Variants in ANKRD24 observed in about 807,000 individuals in gnomAD.
ANKRD24 encodes ankyrin repeat domain-containing protein 24.
A neutral mutation model predicts 127.8 loss-of-function variants in ANKRD24; 109 were observed. That is an observed-to-expected ratio of 0.85 (90% CI 0.73 to 1.00). ANKRD24 has a LOEUF of 1.00. ANKRD24 is among the 50% of genes least tolerant of loss of function. The pLI is 0.00. For missense variants in ANKRD24, 1,648 were observed against 1,570.2 expected (o/e 1.05, Z -0.84); for synonymous variants, 743 against 671.1 (o/e 1.11, Z -1.66).
At chr19:4,223,401 ATTTTTTTT>A (rs1173862080) in intron 20 of ANKRD24, among the ~76,000 whole-genome samples, 5 of 53,342 alleles carry the variant, frequency 9.4e-5, no homozygotes, top group African/African-American at 3.8e-4. Context: ...ATATATATAT[ATTTTTTTT>A]TTTTTTTTTT....
At chr19:4,221,861 G>T (rs1196576136) in intron 19 of ANKRD24, among the ~76,000 whole-genome samples, 1 of 152,150 alleles carries the variant, frequency 6.6e-6, no homozygotes, top group Non-Finnish European at 1.5e-5. Flanking sequence ...GGGCATTGTA[G>T]GGGACTGAGC....
chr19:4,198,625 C>T lies in ANKRD24; in HGVS notation c.37-1058C>T, dbSNP rs988402085. ...TCCCCGGCTGACCTGGACCACCCCC[C>T]CATTCCAGACCCGGGAAAGATGGTC... On this transcript the variant is annotated intron_variant, in intron 2 of 21. Transcript: ENST00000318934. This position sits in a 1 kb window ranked among gnomAD's most constrained non-coding sequence, Gnocchi z 6.1. 2.4e-6 allele frequency: 1 copy of T among 408,336 alleles called. No homozygotes were observed. Among genetic ancestry groups the T allele is most frequent in the East Asian group, 3.6e-5 (1 of 27,716 alleles). The allele number at this position is 408,336 out of a possible 1,614,324, so 25.3% of individuals were successfully genotyped here. A position where few individuals can be genotyped will look rare whatever the true frequency, so the allele number is the denominator to read the frequency against.
rs1970111057 is a variant in ANKRD24, at chr19:4,216,890, T to G, written c.1730T>G (p.Met577Arg). ...GATGAAACCATGGAAGCCAGGACTA[T>G]GGAAGCTGAGGCCACGGGAGCCGAG... ...AGDETMEART[M>R]EAEATGAEAT... is the part of the protein sequence containing the mutation. Residue 577 changes from methionine (M) to arginine (R), a missense_variant, in exon 18 of 22, where the codon ATG (methionine) becomes AGG (arginine). Physicochemically the swap from Met to Arg is moderately conservative, Grantham distance 91. Transcript: ENST00000318934. 6.2e-7 allele frequency: 1 copy of G among 1,610,606 alleles called. No individual in the cohort carries two copies. The highest frequency in any genetic ancestry group is 1.3e-5 in the African/African-American group (1 of 74,680).
rs545933656 is a variant in ANKRD24, at chr19:4,188,034, A to G, written c.36+1573A>G. On this transcript the variant is annotated intron_variant, in intron 2 of 21. Transcript: ENST00000318934. ...TTTGAAAGCCATTTTTGAAAAGCCA[A>G]AAAGAGAGGCCTGTGGAACAAGCCT... Among the ~76,000 whole-genome samples the G allele has an allele frequency of 1.2e-4, 19 of 152,228 alleles. No individual in the cohort carries two copies. In the East Asian group the frequency reaches 3.7e-3, roughly 29 times the overall value.
Position 4,195,760 on chromosome 19 carries a change from GGC to G in ANKRD24, c.37-3921_37-3920del. On this transcript the variant is annotated intron_variant, in intron 2 of 21. Coordinates refer to ENST00000318934, the MANE Select transcript of ANKRD24 (RefSeq NM_001393985.1). The surrounding 1 kb of genome is among the most constrained non-coding windows in gnomAD (Gnocchi z 4.2). Reference sequence around the variant, plus strand: ...AATACAAAAATTCGCTAGGCGTGGTGGCGTGTGCCTGTAATCCCAGCTACTCG... The same window carrying G: ...AATACAAAAATTCGCTAGGCGTGGTGGTGTGCCTGTAATCCCAGCTACTCG... Among the ~76,000 whole-genome samples the G allele has an allele frequency of 6.6e-6, 1 of 152,166 alleles. No individual in the cohort carries two copies. Among genetic ancestry groups the G allele is most frequent in the Non-Finnish European group, 1.5e-5 (1 of 68,040 alleles).
intron 1 of ANKRD24, among the ~76,000 whole-genome samples, chr19:4,183,032 G>A (rs1336184839): frequency 6.7e-6 from 1 of 148,266 alleles, no homozygotes; most frequent in Non-Finnish European, 1.5e-5. Context: ...AGGCTGGAGT[G>A]CAGTGGCGCA....
Position 4,198,559 on chromosome 19 carries a change from GC to G in ANKRD24, c.37-1123del. 1 of 533,608 alleles carries G rather than the reference GC, an allele frequency of 1.9e-6. No individual in the cohort carries two copies. Among genetic ancestry groups the G allele is most frequent in the Non-Finnish European group, 3.3e-6 (1 of 300,096 alleles). The allele number at this position is 533,608 out of a possible 1,614,324, so 33.1% of individuals were successfully genotyped here. ...TAGGGCCCGGGGAGGGGGCGCAGGAGCGGGCGGGGCGCGGGTACCTCCTCTC... is the reference window on the plus strand; with the variant it reads ...TAGGGCCCGGGGAGGGGGCGCAGGAGGGGCGGGGCGCGGGTACCTCCTCTC... On this transcript the variant is annotated intron_variant, in intron 2 of 21. Coordinates refer to ENST00000318934, the MANE Select transcript of ANKRD24 (RefSeq NM_001393985.1). This position sits in a 1 kb window ranked among gnomAD's most constrained non-coding sequence, Gnocchi z 6.1.
intron 7 of ANKRD24, among the ~76,000 whole-genome samples, chr19:4,205,009 G>A (rs1969305216): frequency 6.6e-6 from 1 of 152,222 alleles, no homozygotes; most frequent in East Asian, 1.9e-4. Flanking sequence ...AGCCTGAGGC[G>A]GGCGGATCAT....
chr19:4,205,428 C>A (rs903847689), intron 7 of ANKRD24, among the ~76,000 whole-genome samples: 3 of 152,200 alleles, frequency 2.0e-5, no homozygotes, highest in Non-Finnish European at 4.4e-5. Context: ...TGGATGTCAA[C>A]CTGCTGGAAT....
intron 2 of ANKRD24, among the ~76,000 whole-genome samples, chr19:4,196,914 C>T (rs1230925300): frequency 1.3e-5 from 2 of 152,124 alleles, no homozygotes; most frequent in East Asian, 1.9e-4. Context: ...CCGGAGGAGC[C>T]GTGGGTCCCA....
In ANKRD24 at chr19:4,199,673, C is replaced by A. The variant is rs1968971080; in HGVS notation, c.37-10C>A. 6.6e-6 allele frequency: 10 copies of A among 1,523,716 alleles called. No homozygotes were observed. Among genetic ancestry groups the A allele is most frequent in the Non-Finnish European group, 7.9e-6 (9 of 1,139,892 alleles). The allele number at this position is 1,523,716 out of a possible 1,614,324, so 94.4% of individuals were successfully genotyped here. A position where few individuals can be genotyped will look rare whatever the true frequency, so the allele number is the denominator to read the frequency against. On this transcript the variant is annotated splice_polypyrimidine_tract_variant and intron_variant, in intron 2 of 21. Transcript: ENST00000318934. The surrounding 1 kb of genome is among the most constrained non-coding windows in gnomAD (Gnocchi z 5.2). ...AGGACCCCCTCGCCCAGGACCACCT[C>A]CCCCTGCAGCTGCGGCTCAGCCCCA...
rs956936257 is a variant in ANKRD24 at position 4,182,775 on chromosome 19, A to G, written c.-37+35A>G. 5.1e-6 allele frequency: 5 copies of G among 984,772 alleles called. No individual in the cohort carries two copies. The African/African-American group carries it at 8.7e-5, about 17-fold the overall frequency. The allele number at this position is 984,772 out of a possible 1,614,324, so 61.0% of individuals were successfully genotyped here. A position where few individuals can be genotyped will look rare whatever the true frequency, so the allele number is the denominator to read the frequency against. Reference sequence around the variant, plus strand: ...GGGCTTGGGAAGGGGCTCCCCGATGACCCGGGCGGGAAATTGGGGCGGCCG... The same window carrying G: ...GGGCTTGGGAAGGGGCTCCCCGATGGCCCGGGCGGGAAATTGGGGCGGCCG... On this transcript the variant is annotated intron_variant, in intron 1 of 21. Coordinates refer to ENST00000318934, the MANE Select transcript of ANKRD24 (RefSeq NM_001393985.1).
chr19:4,199,842 A>G lies in ANKRD24; in HGVS notation c.124-33A>G. 6.5e-7 allele frequency: 1 copy of G among 1,548,172 alleles called. No homozygotes were observed. Among genetic ancestry groups the G allele is most frequent in the Non-Finnish European group, 8.7e-7 (1 of 1,145,146 alleles). ...GCGTGGGGAGGGGACAGCAGCCAAC[A>G]CTGCCCCACGCACTTCTGGGCGTGC... On this transcript the variant is annotated intron_variant, in intron 3 of 21. Coordinates refer to ENST00000318934, the MANE Select transcript of ANKRD24 (RefSeq NM_001393985.1). This position sits in a 1 kb window ranked among gnomAD's most constrained non-coding sequence, Gnocchi z 5.2.
Position 4,217,349 on chromosome 19 carries a change from G to A in ANKRD24, c.2189G>A (p.Arg730His), listed in dbSNP as rs1358148318. 2 of 1,551,480 alleles carry A rather than the reference G, an allele frequency of 1.3e-6. No homozygotes were observed. Among genetic ancestry groups the A allele is most frequent in the East Asian group, 2.4e-5 (1 of 40,924 alleles). ...KLQVELETRI[R>H]GLEEALRQRE... ...CAAGTAGAGCTGGAGACCAGGATCC[G>A]TGGCTTGGAGGAGGCTCTCCGGCAG... Residue 730 changes from arginine (R) to histidine (H), a missense_variant, in exon 18 of 22, where the codon CGT becomes CAT. By Grantham distance (29) the Arg-to-His change is conservative. Transcript: ENST00000318934.
chr19:4,183,942 G>T (rs556158123), intron 1 of ANKRD24, among the ~76,000 whole-genome samples: 1 of 152,302 alleles, frequency 6.6e-6, no homozygotes, highest in African/African-American at 2.4e-5. Flanking sequence ...AAGAGTGCAT[G>T]AGTCAGGTAG....
Position 4,212,720 on chromosome 19 carries a change from G to A in ANKRD24, c.1197+22G>A, listed in dbSNP as rs1313781966. 3 of 1,546,928 alleles carry A rather than the reference G, an allele frequency of 1.9e-6. No individual in the cohort carries two copies. The African/African-American group carries it at 4.1e-5, about 21-fold the overall frequency. On this transcript the variant is annotated intron_variant, in intron 15 of 21. Coordinates refer to ENST00000318934, the MANE Select transcript of ANKRD24 (RefSeq NM_001393985.1). ...GGAGGTAGGAGCAGTGATGAGTCAG[G>A]GCTGGGCTGGGGCTGGGTCGGGGAA...
rs1234288334 is a variant in ANKRD24 at position 4,217,528 on chromosome 19, G to A, written c.2368G>A (p.Ala790Thr). 1.6e-5 allele frequency: 22 copies of A among 1,356,798 alleles called. No individual in the cohort carries two copies. The South Asian group carries it at 3.5e-4, about 21-fold the overall frequency. The allele number at this position is 1,356,798 out of a possible 1,614,324, so 84.0% of individuals were successfully genotyped here. A position where few individuals can be genotyped will look rare whatever the true frequency, so the allele number is the denominator to read the frequency against. The change falls in exon 18 of 22, where the codon GCC (alanine) becomes ACC (threonine). Residue 790 changes from alanine to threonine, a missense_variant. Coordinates refer to ENST00000318934, the MANE Select transcript of ANKRD24 (RefSeq NM_001393985.1). ...CGGTGACACCACACAGCTGCGGGCG[G>A]CCCTGGAGCAGGCCCGGGAGGACCT... is the stretch of plus-strand genomic sequence containing the variant. ...GGGDTTQLRA[A>T]LEQAREDLRD... is the part of the protein sequence containing the mutation.
At chr19:4,191,396 C>T (rs1968377549) in intron 2 of ANKRD24, among the ~76,000 whole-genome samples, 1 of 152,174 alleles carries the variant, frequency 6.6e-6, no homozygotes, top group Admixed American at 6.5e-5. Flanking sequence ...CCTTAGGGCA[C>T]TCTCCGGCCT....
Position 4,219,757 on chromosome 19 carries a change from A to G in ANKRD24, c.3170A>G (p.Lys1057Arg). The part of the protein sequence containing the change: ...ALDKAKEKDK[K>R]ITELSKEVFN... The stretch of plus-strand genomic sequence containing the variant: ...GACAAGGCCAAGGAGAAGGACAAGA[A>G]GGTGGGTGCCCCCTCTCCCACACTC... The change falls in exon 19 of 22, where the codon AAG (lysine) becomes AGG (arginine). Residue 1057 changes from lysine to arginine, a missense_variant and splice_region_variant. Coordinates refer to ENST00000318934, the MANE Select transcript of ANKRD24 (RefSeq NM_001393985.1). The G allele has an allele frequency of 6.2e-7, 1 of 1,600,330 alleles. No individual in the cohort carries two copies. The highest frequency in any genetic ancestry group is 8.5e-7 in the Non-Finnish European group (1 of 1,172,342).
Sources: allele counts gnomAD v4.1 joint callset (sites outside exome capture counted in the v4.1 genomes callset), GRCh38; gene constraint gnomAD v4.1.1; non-coding constraint Gnocchi (gnomAD v3.1); transcripts MANE v1.5; gene names NCBI Gene and HGNC (gene_info 2026-07-23, HGNC 2026-07-21).